HEPHL1: variants seen among roughly 807,000 people sequenced by gnomAD.
HEPHL1 encodes ferroxidase HEPHL1.
A neutral mutation model predicts 122.0 loss-of-function variants in HEPHL1; 123 were observed. The ratio of observed to expected loss-of-function variants is 1.01; its 90% CI spans 0.87 to 1.17. The LOEUF is 1.17. Ranked by LOEUF, HEPHL1 falls within the 50% of genes most tolerant of loss-of-function variation. The pLI, the probability that HEPHL1 is intolerant of heterozygous loss-of-function variation, is 0.00. For missense variants in HEPHL1, 1,452 were observed against 1,430.5 expected, an observed-to-expected ratio of 1.01 and a Z score of -0.24; for synonymous variants, 527 against 508.9, an observed-to-expected ratio of 1.04 and a Z score of -0.48.
intron 1 of HEPHL1, among the ~76,000 whole-genome samples, chr11:94,021,867 C>G (rs1413057955): frequency 6.6e-6 from 1 of 152,156 alleles, no homozygotes; most frequent in South Asian, 2.1e-4. Context: ...AATGACAACA[C>G]TTGGGATGAA....
intron 16 of HEPHL1, 112 bp downstream of exon 16, chr11:94,104,862 A>C: frequency 1.2e-6 from 1 of 818,232 alleles, no homozygotes; most frequent in Non-Finnish European, 2.0e-6. Flanking sequence ...TCCCAGGGGC[A>C]CCTGGACTGA....
intron 10 of HEPHL1, among the ~76,000 whole-genome samples, chr11:94,082,843 T>A (rs570051763): frequency 2.6e-5 from 4 of 152,122 alleles, no homozygotes; most frequent in Non-Finnish European, 4.4e-5. Context: ...ACACCTGTAA[T>A]CCCAGCACTT....
chr11:94,022,892 G>C (rs1272871161), intron 1 of HEPHL1, among the ~76,000 whole-genome samples: 3 of 152,176 alleles, frequency 2.0e-5, no homozygotes, highest in Non-Finnish European at 2.9e-5. Context: ...TAAGAATGTT[G>C]AAAGTGTGTA....
chr11:94,042,881 A>AAAAAAAAAAAAAC (rs1555058740), intron 1 of HEPHL1, among the ~76,000 whole-genome samples: 12 of 137,282 alleles, frequency 8.7e-5, no homozygotes, highest in Admixed American at 5.8e-4. Flanking sequence ...ATAATAAAAA[A>AAAAAAAAAAAAAC]AAAAAAAAAA....
At chr11:94,071,416 G>A (rs1946072645) in intron 6 of HEPHL1, among the ~76,000 whole-genome samples, 1 of 152,086 alleles carries the variant, frequency 6.6e-6, no homozygotes, top group South Asian at 2.1e-4. Flanking sequence ...TAAAGAATTT[G>A]TGTGAACCAT....
Position 94,049,419 on chromosome 11 carries a change from A to G in HEPHL1, c.415+3502A>G, listed in dbSNP as rs115526116. Among the ~76,000 whole-genome samples the G allele has an allele frequency of 2.8e-3, 432 of 152,234 alleles. 7 individuals carry two copies. The highest frequency in any genetic ancestry group is 9.9e-3 in the African/African-American group (412 of 41,502). On this transcript the variant is annotated intron_variant, in intron 2 of 19. Transcript: ENST00000315765. ...GGTGGCAATGTAAATTAGTACAGCC[A>G]CTACGGAAAACAGTATGGAGATTCT...
intron 13 of HEPHL1, among the ~76,000 whole-genome samples, chr11:94,099,511 G>A (rs2134450660): frequency 6.6e-6 from 1 of 152,296 alleles, no homozygotes; most frequent in African/African-American, 2.4e-5. Context: ...CAAACTCTGT[G>A]CTGGGAGAAC....
chr11:94,098,107 G>T (rs867478280), intron 13 of HEPHL1, among the ~76,000 whole-genome samples: 6 of 152,168 alleles, frequency 3.9e-5, no homozygotes, highest in African/African-American at 1.4e-4. Flanking sequence ...TTTCTTCCTA[G>T]CATCGATGAT....
intron 1 of HEPHL1, among the ~76,000 whole-genome samples, chr11:94,023,169 T>A (rs1945596108): frequency 6.6e-6 from 1 of 152,188 alleles, no homozygotes; most frequent in Non-Finnish European, 1.5e-5. Context: ...AGCACCAAAC[T>A]CATTGCTTTG....
At chr11:94,082,014 G>A (rs1295935578) in intron 9 of HEPHL1, among the ~76,000 whole-genome samples, 1 of 152,188 alleles carries the variant, frequency 6.6e-6, no homozygotes, top group Non-Finnish European at 1.5e-5. Flanking sequence ...AGGTTGGTGT[G>A]TTCGTGGAAG....
At chr11:94,096,410 G>A (rs144039313) in intron 13 of HEPHL1, among the ~76,000 whole-genome samples, 3,483 of 152,246 alleles carry the variant, frequency 0.023, 94 homozygotes, top group East Asian at 0.069. Flanking sequence ...ATGTGCTGCT[G>A]GATTCGTTTG....
At chr11:94,028,716 G>A (rs570337979) in intron 1 of HEPHL1, among the ~76,000 whole-genome samples, 6 of 152,292 alleles carry the variant, frequency 3.9e-5, no homozygotes, top group African/African-American at 1.2e-4. Context: ...CCATGGCTAC[G>A]TGATAAACAA....
rs866413657 is a variant in HEPHL1 at position 94,037,906 on chromosome 11, A to G, written c.171-7767A>G. ...CCGAGCTGACAGAAGAAGGCTTCAGACGATCAAATTACTCTGAGCTACGGG... is the reference window on the plus strand; with the variant it reads ...CCGAGCTGACAGAAGAAGGCTTCAGGCGATCAAATTACTCTGAGCTACGGG... On this transcript the variant is annotated intron_variant, in intron 1 of 19. Coordinates refer to ENST00000315765, the MANE Select transcript of HEPHL1 (RefSeq NM_001098672.2). 1.3e-4 allele frequency among the ~76,000 whole-genome samples: 19 copies of G among 151,856 alleles called. No individual in the cohort carries two copies. The South Asian group carries it at 2.3e-3, about 18-fold the overall frequency.
At chr11:94,072,833 G>C (rs1565354855) in intron 6 of HEPHL1, among the ~76,000 whole-genome samples, 192 bp from the exon 7 acceptor site, 2 of 152,114 alleles carry the variant, frequency 1.3e-5, no homozygotes, top group African/African-American at 4.8e-5. Flanking sequence ...AAATGAGCTT[G>C]AGTATCACCC....
At chr11:94,056,877 A>C (rs548002416) in intron 2 of HEPHL1, among the ~76,000 whole-genome samples, 10 of 152,210 alleles carry the variant, frequency 6.6e-5, no homozygotes, top group African/African-American at 2.4e-4. Context: ...TGTGAATTCA[A>C]GTTACTCTTT....
intron 2 of HEPHL1, among the ~76,000 whole-genome samples, chr11:94,056,652 A>G (rs1335459029): frequency 1.3e-4 from 1 of 7,942 alleles, no homozygotes; most frequent in African/African-American, 1.3e-4. Flanking sequence ...TTGTGCTATT[A>G]TTGATTATCT....
At chr11:94,023,642 T>C (rs1210275119) in intron 1 of HEPHL1, among the ~76,000 whole-genome samples, 1 of 152,230 alleles carries the variant, frequency 6.6e-6, no homozygotes, top group African/African-American at 2.4e-5. Flanking sequence ...CATGGTCCCA[T>C]ATGATAGTGC....
At chr11:94,090,142 G>C (rs77667850) in intron 12 of HEPHL1, among the ~76,000 whole-genome samples, 2,292 of 151,900 alleles carry the variant, frequency 0.015, 44 homozygotes, top group East Asian at 0.07. Flanking sequence ...AAGAACAGGA[G>C]AATTTTAAAT....
chr11:94,063,390 C>A, intron 2 of HEPHL1, 118 bp from the exon 3 acceptor site: 1 of 797,834 alleles, frequency 1.3e-6, no homozygotes, highest in Non-Finnish European at 2.0e-6. Flanking sequence ...AGTCCCATAG[C>A]AAATAAATTT....
Sources: gnomAD v4.1 joint callset for allele counts (sites outside exome capture counted in the v4.1 genomes callset) on GRCh38, gnomAD v4.1.1 for gene constraint, MANE v1.5 for transcripts, NCBI Gene and HGNC (gene_info 2026-07-23, HGNC 2026-07-21) for gene names.